Variants in WDFY1 observed in about 807,000 individuals in gnomAD.
The protein encoded by WDFY1 is WD repeat and FYVE domain-containing protein 1.
A neutral mutation model predicts 56.4 loss-of-function variants in WDFY1; 32 were observed. The observed-to-expected ratio is 0.57, with a 90% CI of 0.43 to 0.76. The LOEUF (loss-of-function observed/expected upper bound fraction) is 0.76, where lower values mean the gene tolerates loss of function less well. WDFY1 is among the 30% of genes least tolerant of loss of function. The pLI is 0.00. For missense variants in WDFY1, 480 were observed against 545.7 expected (o/e 0.88, Z 1.20); for synonymous variants, 192 against 197.3 (o/e 0.97, Z 0.23).
chr2:223,943,466 C>T (rs1323998590), intron 1 of WDFY1, among the ~76,000 whole-genome samples: 4 of 152,166 alleles, frequency 2.6e-5, no homozygotes, highest in Non-Finnish European at 4.4e-5. Flanking sequence ...GGGCTTCAGG[C>T]TTTTTCTTCC....
chr2:223,890,939 G>A (rs757148875), intron 8 of WDFY1, among the ~76,000 whole-genome samples: 12 of 152,102 alleles, frequency 7.9e-5, no homozygotes, highest in African/African-American at 2.2e-4. Context: ...CTTCCAACTC[G>A]ACAGCGTAGT....
At chr2:223,890,300 T>C (rs1246388258) in intron 8 of WDFY1, among the ~76,000 whole-genome samples, 2 of 152,142 alleles carry the variant, frequency 1.3e-5, no homozygotes, top group Non-Finnish European at 2.9e-5. Flanking sequence ...GGTGAAACCC[T>C]GTCTCTACTA....
chr2:223,901,629 T>A (rs1278071824), intron 4 of WDFY1, among the ~76,000 whole-genome samples: 1 of 88,510 alleles, frequency 1.1e-5, no homozygotes, highest in African/African-American at 3.9e-5. Context: ...AGAGAACAGA[T>A]TTTTTTTTTT....
chr2:223,943,056 C>T (rs1689340105), intron 1 of WDFY1, among the ~76,000 whole-genome samples: 2 of 151,504 alleles, frequency 1.3e-5, no homozygotes, highest in Non-Finnish European at 2.9e-5. Flanking sequence ...TGGCAGGCGC[C>T]TATAGTCCCA....
At position 223,875,930 on chromosome 2, in the gene WDFY1, G is replaced by A. The variant is rs1692962550; in HGVS notation, c.*2741C>T. The A allele has an allele frequency of 6.6e-6, 1 of 151,986 alleles. No individual in the cohort carries two copies. The highest frequency in any genetic ancestry group is 2.4e-5 in the African/African-American group (1 of 41,374). 9.4% of individuals were successfully genotyped at this position (151,986 alleles called of 1,614,324 possible). A position where few individuals can be genotyped will look rare whatever the true frequency, so the allele number is the denominator to read the frequency against. Reference sequence around the variant, plus strand: ...TCAGTTTCACCAGTTTAAAAATATAGGTACTAACAAACTGAATTCTTTCAT... The same window carrying A: ...TCAGTTTCACCAGTTTAAAAATATAAGTACTAACAAACTGAATTCTTTCAT... On this transcript the variant is annotated 3_prime_UTR_variant, in exon 12 of 12. Transcript: ENST00000233055.
chr2:223,926,976 A>G (rs937861312), intron 1 of WDFY1, among the ~76,000 whole-genome samples: 1 of 152,218 alleles, frequency 6.6e-6, no homozygotes, highest in East Asian at 1.9e-4. Flanking sequence ...CCAACAAGCA[A>G]TAATATTTTG....
At chr2:223,900,413 A>G (rs891798322) in intron 5 of WDFY1, among the ~76,000 whole-genome samples, 1 of 152,224 alleles carries the variant, frequency 6.6e-6, no homozygotes, top group Non-Finnish European at 1.5e-5. Context: ...CCAGACATTC[A>G]ACTCTGAGAG....
At chr2:223,885,936 G>A (rs991690723) in intron 8 of WDFY1, among the ~76,000 whole-genome samples, 3 of 152,154 alleles carry the variant, frequency 2.0e-5, no homozygotes, top group African/African-American at 7.2e-5. Context: ...TCTAACCAAT[G>A]AGTTACTTTT....
At chr2:223,931,668 T>G (rs1694075952) in intron 1 of WDFY1, among the ~76,000 whole-genome samples, 2 of 145,832 alleles carry the variant, frequency 1.4e-5, no homozygotes. Context: ...CTTGCAGGAG[T>G]CATTAATATT....
chr2:223,897,645 G>A (rs1331836748), intron 6 of WDFY1, among the ~76,000 whole-genome samples: 3 of 151,950 alleles, frequency 2.0e-5, no homozygotes, highest in Non-Finnish European at 4.4e-5. Context: ...CTCCCAAAGT[G>A]CTGGGATTAC....
chr2:223,927,795 T>C (rs1361856065), intron 1 of WDFY1, among the ~76,000 whole-genome samples: 3 of 152,232 alleles, frequency 2.0e-5, no homozygotes, highest in Admixed American at 2.0e-4. Context: ...TAATCATTTC[T>C]AACGTTTGAT....
intron 8 of WDFY1, among the ~76,000 whole-genome samples, chr2:223,892,256 A>T (rs1319353939): frequency 6.6e-6 from 1 of 152,226 alleles, no homozygotes; most frequent in African/African-American, 2.4e-5. Context: ...GATTACAGGC[A>T]TGAGCCACTG....
At chr2:223,942,222 AC>A in intron 1 of WDFY1, among the ~76,000 whole-genome samples, 1 of 151,882 alleles carries the variant, frequency 6.6e-6, no homozygotes, top group African/African-American at 2.4e-5. Flanking sequence ...AAGGCTGCTA[AC>A]TTTTTTTTTT....
At chr2:223,934,697 T>G (rs1445912476) in intron 1 of WDFY1, among the ~76,000 whole-genome samples, 6 of 151,900 alleles carry the variant, frequency 3.9e-5, no homozygotes, top group Non-Finnish European at 8.8e-5. Flanking sequence ...ATCTTTGTAT[T>G]TTTAGTAGAG....
chr2:223,895,773 C>A (rs1208864200), intron 6 of WDFY1, 143 bp from the exon 7 acceptor site: 1 of 1,125,764 alleles, frequency 8.9e-7, no homozygotes, highest in Non-Finnish European at 1.3e-6. Flanking sequence ...TCATGGTGTA[C>A]AACGGGTCAT....
chr2:223,884,861 T>TC (rs1553535377), intron 8 of WDFY1, 112 bp from the exon 9 acceptor site: 66,786 of 764,966 alleles, frequency 0.087, 1,107 homozygotes, highest in South Asian at 0.15. Context: ...CTTTTCTTCT[T>TC]TTTTTTTTTT....
At chr2:223,911,569 CACACACA>C (rs1249653071) in intron 3 of WDFY1, among the ~76,000 whole-genome samples, 1,916 of 18,352 alleles carry the variant, frequency 0.1, 22 homozygotes, top group Middle Eastern at 0.29. Context: ...TGAATGACCA[CACACACA>C]CACACACACA....
rs1402815357 is a variant in WDFY1 at position 223,877,214 on chromosome 2, T to A, written c.*1457A>T. 6.6e-6 allele frequency: 1 copy of A among 152,156 alleles called. No homozygotes were observed. Among genetic ancestry groups the A allele is most frequent in the Non-Finnish European group, 1.5e-5 (1 of 68,034 alleles). 9.4% of individuals were successfully genotyped at this position (152,156 alleles called of 1,614,324 possible). ...TAAACCTTTCAGTCCCTCTAAGACA[T>A]CATTATAAAACAAATTTAGTCCTTT... is the stretch of plus-strand genomic sequence containing the variant. On this transcript the variant is annotated 3_prime_UTR_variant, in exon 12 of 12. Coordinates refer to ENST00000233055, the MANE Select transcript of WDFY1 (RefSeq NM_020830.5).
intron 1 of WDFY1, among the ~76,000 whole-genome samples, chr2:223,927,581 C>T (rs1200770100): frequency 1.3e-5 from 2 of 152,202 alleles, no homozygotes; most frequent in Non-Finnish European, 2.9e-5. Context: ...AATGTTGTGG[C>T]TGGTCTGATC....
Sources: gnomAD v4.1 joint callset for allele counts (sites outside exome capture counted in the v4.1 genomes callset) on GRCh38, gnomAD v4.1.1 for gene constraint, MANE v1.5 for transcripts, NCBI Gene and HGNC (gene_info 2026-07-23, HGNC 2026-07-21) for gene names.